The following FRMD5 variants were observed in gnomAD, a reference collection of about 807,000 sequenced individuals.
FRMD5 encodes the protein FERM domain containing 5, also known as FERM domain-containing protein 5.
Under a neutral mutation model 69.0 loss-of-function variants are expected in FRMD5, and 20 were observed. The ratio of observed to expected loss-of-function variants is 0.29; its 90% CI spans 0.20 to 0.42. The LOEUF is 0.42. Ranked by LOEUF, FRMD5 falls within the 10% of genes least tolerant of loss-of-function variation. The pLI is 1.00. For synonymous variants in FRMD5, 271 were observed against 260.1 expected, an observed-to-expected ratio of 1.04 and a Z score of -0.40; for missense variants, 595 against 708.6, an observed-to-expected ratio of 0.84 and a Z score of 1.82.
intron 13 of FRMD5, among the ~76,000 whole-genome samples, chr15:43,881,455 A>C (rs1437201925): frequency 6.6e-6 from 1 of 152,132 alleles, no homozygotes; most frequent in Non-Finnish European, 1.5e-5. Context: ...CCATAATTCC[A>C]TTCTTTGCAT....
intron 1 of FRMD5, among the ~76,000 whole-genome samples, chr15:43,960,125 G>C: frequency 6.6e-6 from 1 of 152,110 alleles, no homozygotes; most frequent in East Asian, 1.9e-4. Context: ...GTCTCGCTCT[G>C]TCGCCCAGGC....
intron 1 of FRMD5, among the ~76,000 whole-genome samples, chr15:44,089,174 A>T (rs1193120469): frequency 3.3e-5 from 5 of 152,188 alleles, no homozygotes; most frequent in Non-Finnish European, 7.3e-5. Context: ...AGATCTATCC[A>T]TGTTTCTCAC....
At chr15:43,971,301 G>A (rs1021946521) in intron 1 of FRMD5, among the ~76,000 whole-genome samples, 1 of 151,980 alleles carries the variant, frequency 6.6e-6, no homozygotes, top group African/African-American at 2.4e-5. Flanking sequence ...TTTTCAAGGT[G>A]AAGAGAAGAT....
At chr15:44,147,150 T>C (rs1178018495) in intron 1 of FRMD5, among the ~76,000 whole-genome samples, 2 of 152,196 alleles carry the variant, frequency 1.3e-5, no homozygotes, top group African/African-American at 2.4e-5. Context: ...TAATTCATCT[T>C]GAGTTAATTT....
At chr15:43,979,216 G>T (rs112913854) in intron 1 of FRMD5, among the ~76,000 whole-genome samples, 2,878 of 151,974 alleles carry the variant, frequency 0.019, 51 homozygotes, top group Non-Finnish European at 0.029. Flanking sequence ...GCAGGTGCCT[G>T]TATCCCAGCT....
chr15:44,088,259 C>G (rs1894287452), intron 1 of FRMD5, among the ~76,000 whole-genome samples: 1 of 152,068 alleles, frequency 6.6e-6, no homozygotes, highest in South Asian at 2.1e-4. Context: ...GCATTTTCAC[C>G]ATTCCCGAAA....
At chr15:44,024,975 C>T (rs1891366906) in intron 1 of FRMD5, among the ~76,000 whole-genome samples, 1 of 152,190 alleles carries the variant, frequency 6.6e-6, no homozygotes, top group East Asian at 1.9e-4. Context: ...AACAGATTTG[C>T]TTTTAAATCT....
At chr15:44,173,794 A>G (rs959892743) in intron 1 of FRMD5, among the ~76,000 whole-genome samples, 1 of 152,180 alleles carries the variant, frequency 6.6e-6, no homozygotes, top group African/African-American at 2.4e-5. Flanking sequence ...GATTACAGGC[A>G]TGAGCTGCCG....
chr15:44,120,081 C>T (rs2076925402), intron 1 of FRMD5, among the ~76,000 whole-genome samples: 1 of 152,108 alleles, frequency 6.6e-6, no homozygotes, highest in Admixed American at 6.5e-5. Context: ...AATGTCAAGA[C>T]ATACAATTCT....
At position 43,968,910 on chromosome 15, in the gene FRMD5, A is replaced by C. The variant is rs966594767; in HGVS notation, c.103-44601T>G. Reference sequence around the variant, plus strand: ...TGAAAAAAATCTTTATTTTCACAAAAATCCTATGTTGTTATTTTATTCTGA... The same window carrying C: ...TGAAAAAAATCTTTATTTTCACAAACATCCTATGTTGTTATTTTATTCTGA... On this transcript the variant is annotated intron_variant, in intron 1 of 13. Coordinates refer to ENST00000417257, the MANE Select transcript of FRMD5 (RefSeq NM_032892.5). Among the ~76,000 whole-genome samples the C allele has an allele frequency of 2.0e-5, 3 of 152,268 alleles. No homozygotes were observed. The South Asian group carries it at 6.2e-4, about 32-fold the overall frequency.
chr15:44,027,837 G>C (rs1206965323), intron 1 of FRMD5, among the ~76,000 whole-genome samples: 1 of 151,824 alleles, frequency 6.6e-6, no homozygotes, highest in African/African-American at 2.4e-5. Flanking sequence ...GTAGGGACAG[G>C]GTTTCACTGT....
At chr15:44,078,310 C>T (rs1296638389) in intron 1 of FRMD5, among the ~76,000 whole-genome samples, 1 of 152,030 alleles carries the variant, frequency 6.6e-6, no homozygotes, top group African/African-American at 2.4e-5. Context: ...CAGACCCTGC[C>T]ATTTATCCTA....
intron 1 of FRMD5, among the ~76,000 whole-genome samples, chr15:44,054,038 T>C (rs1165296814): frequency 2.6e-5 from 4 of 152,202 alleles, no homozygotes; most frequent in Admixed American, 6.5e-5. Flanking sequence ...TTTAAAGCAT[T>C]GAAATTGTGC....
At chr15:44,142,490 G>T (rs899745378) in intron 1 of FRMD5, among the ~76,000 whole-genome samples, 1 of 152,102 alleles carries the variant, frequency 6.6e-6, no homozygotes, top group African/African-American at 2.4e-5. Flanking sequence ...ACAAGTTACA[G>T]AAGAGACCAA....
rs544850067 is a variant in FRMD5 at position 44,170,896 on chromosome 15, TAC to T, written c.102+24055_102+24056del. On this transcript the variant is annotated intron_variant, in intron 1 of 13. Coordinates refer to ENST00000417257, the MANE Select transcript of FRMD5 (RefSeq NM_032892.5). Reference sequence around the variant, plus strand: ...AACAAAGAGACTTACTATCGATTTTTACAGTTTATTTTAAAATACTTCCATTT... The same window carrying T: ...AACAAAGAGACTTACTATCGATTTTTAGTTTATTTTAAAATACTTCCATTT... 2.6e-5 allele frequency among the ~76,000 whole-genome samples: 4 copies of T among 152,342 alleles called. No individual in the cohort carries two copies. In the East Asian group the frequency reaches 5.8e-4, roughly 22 times the overall value.
chr15:43,927,615 T>C (rs772548389), intron 1 of FRMD5, among the ~76,000 whole-genome samples: 1 of 152,212 alleles, frequency 6.6e-6, no homozygotes, highest in Non-Finnish European at 1.5e-5. Context: ...CCTATACTAT[T>C]ATCTCTCTCA....
intron 1 of FRMD5, among the ~76,000 whole-genome samples, chr15:44,187,893 C>T (rs2078129077): frequency 6.6e-6 from 1 of 152,162 alleles, no homozygotes; most frequent in African/African-American, 2.4e-5. Context: ...TTTTCATAAC[C>T]TGGTTCAAAT....
chr15:44,198,916 C>T (rs2078325646), upstream of FRMD5, among the ~76,000 whole-genome samples: 1 of 152,192 alleles, frequency 6.6e-6, no homozygotes, highest in Admixed American at 6.5e-5. Context: ...GAACCCCCAC[C>T]TTCCAAATTA....
chr15:43,969,882 G>A (rs1486565803), intron 1 of FRMD5, among the ~76,000 whole-genome samples: 1 of 152,186 alleles, frequency 6.6e-6, no homozygotes, highest in Non-Finnish European at 1.5e-5. Context: ...TTTTATTGGA[G>A]TTACGGAATT....
Sources: allele counts gnomAD v4.1 joint callset (sites outside exome capture counted in the v4.1 genomes callset), GRCh38; gene constraint gnomAD v4.1.1; transcripts MANE v1.5; gene names NCBI Gene and HGNC (gene_info 2026-07-23, HGNC 2026-07-21).